Variants in CNIH3 observed in about 807,000 individuals in gnomAD.
CNIH3 encodes protein cornichon homolog 3.
Under a neutral mutation model 24.1 loss-of-function variants are expected in CNIH3, and 14 were observed. That is an observed-to-expected ratio of 0.58 (90% CI 0.38 to 0.91). The LOEUF is 0.91. Ranked by LOEUF, CNIH3 falls within the 40% of genes least tolerant of loss-of-function variation. The pLI is 0.00. For synonymous variants in CNIH3, 68 were observed against 73.8 expected, an observed-to-expected ratio of 0.92 and a Z score of 0.40; for missense variants, 178 against 196.8, an observed-to-expected ratio of 0.90 and a Z score of 0.57.
At chr1:224,638,587 G>A (rs565658146) in intron 1 of CNIH3, among the ~76,000 whole-genome samples, 50 of 152,282 alleles carry the variant, frequency 3.3e-4, no homozygotes, top group African/African-American at 1.2e-3. Context: ...AGGAGGGGTG[G>A]CAGGGTTAGT....
At chr1:224,683,225 AT>A (rs1432351938) in intron 2 of CNIH3, among the ~76,000 whole-genome samples, 1 of 152,208 alleles carries the variant, frequency 6.6e-6, no homozygotes, top group African/African-American at 2.4e-5. Flanking sequence ...TAGTAAACTG[AT>A]TAATTAAGGA....
At chr1:224,653,452 A>G (rs1426764001) in intron 1 of CNIH3, among the ~76,000 whole-genome samples, 1 of 148,970 alleles carries the variant, frequency 6.7e-6, no homozygotes, top group Non-Finnish European at 1.5e-5. Flanking sequence ...ACTGTAGTTT[A>G]TTAGACATTT....
intron 1 of CNIH3, among the ~76,000 whole-genome samples, chr1:224,486,256 C>A (rs1677025299): frequency 6.6e-6 from 1 of 151,948 alleles, no homozygotes; most frequent in Non-Finnish European, 1.5e-5. Context: ...CAGGGGCATG[C>A]CACCATGCCC....
Position 224,739,920 on chromosome 1 carries a change from G to A in CNIH3, c.*564G>A, listed in dbSNP as rs1689788370. On this transcript the variant is annotated 3_prime_UTR_variant, in exon 6 of 6. Transcript: ENST00000272133. ...GGAGGGTGTGTGGGATTTGTCTTCA[G>A]CTGCAACCAGCCTTGAGCCTGCTGG... 6.6e-6 allele frequency: 1 copy of A among 152,496 alleles called. No individual in the cohort carries two copies. Among genetic ancestry groups the A allele is most frequent in the Admixed American group, 6.5e-5 (1 of 15,278 alleles). The allele number at this position is 152,496 out of a possible 1,614,324, so 9.4% of individuals were successfully genotyped here. A position where few individuals can be genotyped will look rare whatever the true frequency, so the allele number is the denominator to read the frequency against.
chr1:224,735,163 A>G (rs1689532726), intron 5 of CNIH3, among the ~76,000 whole-genome samples: 1 of 152,156 alleles, frequency 6.6e-6, no homozygotes, highest in South Asian at 2.1e-4. Flanking sequence ...CCCCAGCCCC[A>G]CAGTGGCTGT....
chr1:224,705,839 CTCTT>C (rs1408634498), intron 3 of CNIH3, among the ~76,000 whole-genome samples: 5 of 147,628 alleles, frequency 3.4e-5, no homozygotes, highest in East Asian at 4.0e-4. Flanking sequence ...TTTCTTTTCT[CTCTT>C]TCTTTTCTTT....
At chr1:224,618,666 A>T (rs1038144217) in intron 1 of CNIH3, among the ~76,000 whole-genome samples, 10 of 152,300 alleles carry the variant, frequency 6.6e-5, no homozygotes, top group African/African-American at 2.4e-4. Context: ...ATTGACCTGG[A>T]TAGTCGCTAA....
At chr1:224,611,039 C>G (rs1390678732) in intron 3 of CNIH3, among the ~76,000 whole-genome samples, 2 of 152,198 alleles carry the variant, frequency 1.3e-5, no homozygotes, top group African/African-American at 4.8e-5. Context: ...CTTTGCCTTT[C>G]TATTTCATAA....
chr1:224,593,958 G>A (rs1230419865), intron 3 of CNIH3, among the ~76,000 whole-genome samples: 5 of 152,164 alleles, frequency 3.3e-5, no homozygotes, highest in Non-Finnish European at 2.9e-5. Context: ...ATGAAAGGTA[G>A]GCACTGCCCC....
intron 3 of CNIH3, among the ~76,000 whole-genome samples, chr1:224,691,462 T>C (rs1475696368): frequency 6.6e-6 from 1 of 152,204 alleles, no homozygotes; most frequent in African/African-American, 2.4e-5. Context: ...TCATTGGATA[T>C]TCCTGTGTTC....
intron 3 of CNIH3, among the ~76,000 whole-genome samples, chr1:224,726,589 T>C (rs1430793777): frequency 6.6e-6 from 1 of 152,194 alleles, no homozygotes; most frequent in Non-Finnish European, 1.5e-5. Context: ...CATCTCTCTA[T>C]GCTTTTGCTT....
intron 3 of CNIH3, among the ~76,000 whole-genome samples, chr1:224,688,795 G>T (rs1327196504): frequency 6.6e-6 from 1 of 151,864 alleles, no homozygotes. Context: ...CGTGGTGGTG[G>T]GCGCCTGTAA....
At chr1:224,682,133 A>G (rs1465422317) in intron 2 of CNIH3, among the ~76,000 whole-genome samples, 11 of 152,256 alleles carry the variant, frequency 7.2e-5, no homozygotes, top group African/African-American at 2.7e-4. Flanking sequence ...CCAAAAGACC[A>G]TATGGAAGAA....
intron 1 of CNIH3, among the ~76,000 whole-genome samples, chr1:224,654,208 C>A (rs1684993681): frequency 6.6e-6 from 1 of 152,086 alleles, no homozygotes; most frequent in African/African-American, 2.4e-5. Flanking sequence ...ATGGCGAAAC[C>A]CCTGTCTCTA....
At chr1:224,575,309 C>T in intron 4 of CNIH3, 2 of 1,024,218 alleles carry the variant, frequency 2.0e-6, no homozygotes, top group Non-Finnish European at 3.1e-6. Flanking sequence ...CCACCTTATT[C>T]AGTTACAACA....
intron 1 of CNIH3, among the ~76,000 whole-genome samples, chr1:224,495,565 C>T (rs975254933): frequency 2.0e-5 from 3 of 152,172 alleles, no homozygotes; most frequent in East Asian, 3.9e-4. Flanking sequence ...ATGAATCACT[C>T]CATAGATGCA....
intron 1 of CNIH3, among the ~76,000 whole-genome samples, chr1:224,628,391 T>G (rs1484106122): frequency 6.6e-6 from 1 of 152,126 alleles, no homozygotes; most frequent in African/African-American, 2.4e-5. Context: ...CCAGAACTTT[T>G]TCCCCTTCCC....
chr1:224,731,124 A>G (rs751665667), intron 4 of CNIH3, among the ~76,000 whole-genome samples: 2 of 152,200 alleles, frequency 1.3e-5, no homozygotes, highest in Non-Finnish European at 2.9e-5. Flanking sequence ...AATGACTGCT[A>G]ATGGGTCAAA....
At chr1:224,726,632 G>C (rs1689036571) in intron 3 of CNIH3, among the ~76,000 whole-genome samples, 1 of 152,072 alleles carries the variant, frequency 6.6e-6, no homozygotes, top group South Asian at 2.1e-4. Flanking sequence ...CCGACCTCTG[G>C]TTCCCATAAG....
Sources: gnomAD v4.1 joint callset for allele counts (sites outside exome capture counted in the v4.1 genomes callset) on GRCh38, gnomAD v4.1.1 for gene constraint, MANE v1.5 for transcripts, NCBI Gene and HGNC (gene_info 2026-07-23, HGNC 2026-07-21) for gene names.